The following P4HA3 variants were observed in gnomAD, a reference collection of about 807,000 sequenced individuals.
P4HA3 encodes the protein prolyl 4-hydroxylase subunit alpha 3.
In P4HA3, 60 loss-of-function variants were observed where a neutral mutation model predicts 66.7. That is an observed-to-expected ratio of 0.90 (90% CI 0.73 to 1.12). The LOEUF (loss-of-function observed/expected upper bound fraction) is 1.12, where lower values mean the gene tolerates loss of function less well. Among genes scored for constraint, P4HA3 ranks in the 50% most tolerant of loss-of-function variants. The pLI is 0.00. For missense variants in P4HA3, 683 were observed against 685.8 expected (o/e 1.00, Z 0.05); for synonymous variants, 263 against 274.6 (o/e 0.96, Z 0.42).
chr11:74,295,475 AT>A (rs1861184858), intron 4 of P4HA3, among the ~76,000 whole-genome samples: 1 of 152,256 alleles, frequency 6.6e-6, no homozygotes, highest in African/African-American at 2.4e-5. Context: ...TTACTTTAGC[AT>A]ATTAACAATT....
chr11:74,296,881 A>G (rs1861229904), intron 4 of P4HA3, among the ~76,000 whole-genome samples: 1 of 151,118 alleles, frequency 6.6e-6, no homozygotes, highest in Non-Finnish European at 1.5e-5. Context: ...ACACACAGCA[A>G]TTTAGCAGGA....
intron 8 of P4HA3, among the ~76,000 whole-genome samples, chr11:74,278,922 G>A (rs530723198): frequency 1.3e-5 from 2 of 152,200 alleles, no homozygotes; most frequent in South Asian, 4.2e-4. Flanking sequence ...CTGGAGGGGT[G>A]GGATAAAGCT....
downstream of P4HA3, among the ~76,000 whole-genome samples, chr11:74,263,583 T>C: frequency 6.6e-6 from 1 of 152,234 alleles, no homozygotes. Context: ...CTGACTCAGT[T>C]TCCCTCATCT....
intron 7 of P4HA3, among the ~76,000 whole-genome samples, chr11:74,284,664 G>A (rs1166253315): frequency 3.3e-5 from 5 of 152,138 alleles, no homozygotes; most frequent in South Asian, 4.2e-4. Context: ...ATTCATGGCC[G>A]TGTCGTCCAT....
At chr11:74,305,844 A>G (rs1042291146) in intron 1 of P4HA3, among the ~76,000 whole-genome samples, 5 of 152,340 alleles carry the variant, frequency 3.3e-5, no homozygotes, top group Admixed American at 2.0e-4. Context: ...AAAATTCTGA[A>G]TAAGGAAATA....
intron 15 of P4HA3, among the ~76,000 whole-genome samples, chr11:74,257,528 T>C (rs1859848878): frequency 6.6e-6 from 1 of 151,936 alleles, no homozygotes; most frequent in South Asian, 2.1e-4. Flanking sequence ...GCTGGAGACT[T>C]GAAAGTCAGC....
chr11:74,302,571 T>C lies in P4HA3; in HGVS notation c.365A>G (p.Lys122Arg), dbSNP rs1348868551. Reference protein sequence around the residue: ...NIRALKDGYEKVEQDLPAFED... With the variant: ...NIRALKDGYERVEQDLPAFED... The stretch of plus-strand genomic sequence containing the variant: ...AAAGGCTGGAAGGTCTTGCTCCACC[T>C]TCTCATAGCCATCCTTCAGAGCTGT... The change falls in exon 3 of 13, where the codon AAG becomes AGG. Residue 122 changes from lysine (K) to arginine (R), a missense_variant. Lys to Arg is a conservative substitution (Grantham distance 26). Transcript: ENST00000331597. 1 of 1,613,872 alleles carries C rather than the reference T, an allele frequency of 6.2e-7. No homozygotes were observed. Among genetic ancestry groups the C allele is most frequent in the Non-Finnish European group, 8.5e-7 (1 of 1,179,974 alleles).
At chr11:74,300,833 C>T (rs563185692) in intron 3 of P4HA3, among the ~76,000 whole-genome samples, 1 of 152,224 alleles carries the variant, frequency 6.6e-6, no homozygotes, top group South Asian at 2.1e-4. Flanking sequence ...TTAATAGAAG[C>T]TTTATTCACA....
chr11:74,311,267 T>C, intron 1 of P4HA3, 145 bp downstream of exon 1: 1 of 963,474 alleles, frequency 1.0e-6, no homozygotes, highest in South Asian at 2.0e-5. Flanking sequence ...CCACAATGTC[T>C]CAGTCGCACG....
intron 7 of P4HA3, among the ~76,000 whole-genome samples, chr11:74,280,139 A>G (rs1860540724): frequency 6.6e-6 from 1 of 152,124 alleles, no homozygotes; most frequent in African/African-American, 2.4e-5. Context: ...ATGTCTAGGT[A>G]TAGCATTTAA....
chr11:74,307,448 G>T (rs1445841896), intron 1 of P4HA3, among the ~76,000 whole-genome samples: 1 of 152,164 alleles, frequency 6.6e-6, no homozygotes, highest in Non-Finnish European at 1.5e-5. Context: ...TTTTGGGGTT[G>T]ATTTGTTTAG....
intron 1 of P4HA3, among the ~76,000 whole-genome samples, chr11:74,305,822 G>A (rs1861564237): frequency 6.6e-6 from 1 of 152,082 alleles, no homozygotes; most frequent in African/African-American, 2.4e-5. Context: ...TACTCTCCTA[G>A]GAGCTAGGGA....
intron 4 of P4HA3, among the ~76,000 whole-genome samples, chr11:74,293,359 T>C (rs979384446): frequency 1.3e-5 from 2 of 152,208 alleles, no homozygotes; most frequent in Non-Finnish European, 2.9e-5. Context: ...TGAGATGAGT[T>C]TCCTGAATAC....
At chr11:74,267,353 T>TCAGCAGAACAGACAG in intron 12 of P4HA3, 35 bp from the exon 13 acceptor site, 1 of 1,610,970 alleles carries the variant, frequency 6.2e-7, no homozygotes, top group Non-Finnish European at 8.5e-7. Context: ...GACAGCAGGC[T>TCAGCAGAACAGACAG]CAGCAGAACA....
intron 15 of P4HA3, among the ~76,000 whole-genome samples, chr11:74,253,289 C>T (rs949250237): frequency 2.6e-5 from 4 of 152,054 alleles, no homozygotes; most frequent in African/African-American, 9.7e-5. Context: ...TGGCTGGGGC[C>T]CTTCGACCAT....
At chr11:74,293,241 C>T (rs57941759) in intron 4 of P4HA3, among the ~76,000 whole-genome samples, 6,026 of 150,106 alleles carry the variant, frequency 0.04, 123 homozygotes, top group Middle Eastern at 0.11. Context: ...GGTTTAAAGT[C>T]TGTTTTATCC....
At chr11:74,282,308 A>G (rs1860634978) in intron 7 of P4HA3, among the ~76,000 whole-genome samples, 2 of 152,204 alleles carry the variant, frequency 1.3e-5, no homozygotes, top group East Asian at 3.8e-4. Context: ...CTGGAAAAAC[A>G]ATGTTAATCC....
intron 15 of P4HA3, among the ~76,000 whole-genome samples, chr11:74,258,571 T>C (rs1174749426): frequency 6.6e-6 from 1 of 152,120 alleles, no homozygotes; most frequent in Non-Finnish European, 1.5e-5. Context: ...AAGTGATTTG[T>C]CCAGGGTCAT....
chr11:74,296,651 G>C (rs1044472286), intron 4 of P4HA3, among the ~76,000 whole-genome samples: 4 of 152,180 alleles, frequency 2.6e-5, no homozygotes, highest in African/African-American at 9.7e-5. Context: ...ACAGGATGTG[G>C]AAAGCAAGTA....
Sources: gnomAD v4.1 joint callset for allele counts (sites outside exome capture counted in the v4.1 genomes callset) on GRCh38, gnomAD v4.1.1 for gene constraint, MANE v1.5 for transcripts, NCBI Gene and HGNC (gene_info 2026-07-23, HGNC 2026-07-21) for gene names.